SLC6A3: variants seen among roughly 807,000 people sequenced by gnomAD.
SLC6A3 encodes sodium-dependent dopamine transporter.
In SLC6A3, 19 loss-of-function variants were observed where a neutral mutation model predicts 70.4. That is an observed-to-expected ratio of 0.27 (90% CI 0.19 to 0.40). SLC6A3 has a LOEUF of 0.40. Among genes scored for constraint, SLC6A3 ranks in the 10% least tolerant of loss-of-function variants. The pLI, the probability that SLC6A3 is intolerant of heterozygous loss-of-function variation, is 1.00. For missense variants in SLC6A3, 613 were observed against 838.5 expected (o/e 0.73, Z 3.32); for synonymous variants, 368 against 356.6 (o/e 1.03, Z -0.36).
Position 1,394,662 on chromosome 5 carries a change from C to T in SLC6A3, c.*73G>A. 2 of 1,496,068 alleles carry T rather than the reference C, an allele frequency of 1.3e-6. No homozygotes were observed. Among genetic ancestry groups the T allele is most frequent in the African/African-American group, 1.4e-5 (1 of 72,490 alleles). The allele number at this position is 1,496,068 out of a possible 1,614,324, so 92.7% of individuals were successfully genotyped here. A position where few individuals can be genotyped will look rare whatever the true frequency, so the allele number is the denominator to read the frequency against. ...GAAGTTGCCCTCCTTTCTCTCGAAA[C>T]TTAGATTTCCTTGGTTTGTTCGTGT... On this transcript the variant is annotated 3_prime_UTR_variant, in exon 15 of 15. Transcript: ENST00000270349. The surrounding 1 kb of genome is among the most constrained non-coding windows in gnomAD (Gnocchi z 4.7).
chr5:1,429,796 A>T (rs1283550021), intron 4 of SLC6A3, among the ~76,000 whole-genome samples: 1 of 152,054 alleles, frequency 6.6e-6, no homozygotes, highest in African/African-American at 2.4e-5. Flanking sequence ...CTTTGATCAC[A>T]TGCTAACCCT....
chr5:1,402,624 C>G lies in SLC6A3; in HGVS notation c.1767+298G>C, dbSNP rs1360795934. Among the ~76,000 whole-genome samples the G allele has an allele frequency of 6.6e-6, 1 of 152,176 alleles. No homozygotes were observed. Among genetic ancestry groups the G allele is most frequent in the East Asian group, 1.9e-4 (1 of 5,192 alleles). ...GACAGCACATACAGACACAGAGATA[C>G]AGTGGATGTACACACAGGCACAAGC... On this transcript the variant is annotated intron_variant, in intron 13 of 14. Coordinates refer to ENST00000270349, the MANE Select transcript of SLC6A3 (RefSeq NM_001044.5). This position sits in a 1 kb window ranked among gnomAD's most constrained non-coding sequence, Gnocchi z 8.5.
chr5:1,408,335 C>T lies in SLC6A3; in HGVS notation c.1498+691G>A, dbSNP rs1756036222. ...GGGATTACAGGCGTGAGTCACCGCG[C>T]CCGGACCACACATTCATGGCGAGAT... On this transcript the variant is annotated intron_variant, in intron 11 of 14. Transcript: ENST00000270349. The surrounding 1 kb of genome is among the most constrained non-coding windows in gnomAD (Gnocchi z 6.4). 6.6e-6 allele frequency among the ~76,000 whole-genome samples: 1 copy of T among 152,070 alleles called. No individual in the cohort carries two copies. Among genetic ancestry groups the T allele is most frequent in the Admixed American group, 6.5e-5 (1 of 15,276 alleles).
chr5:1,421,324 C>T lies in SLC6A3; in HGVS notation c.792+552G>A, dbSNP rs146058091. ...TCCCACGTAGCTGGGATTATAGGCA[C>T]GTGCCACCGTGCCTGGCTAATTTCG... On this transcript the variant is annotated intron_variant, in intron 5 of 14. Transcript: ENST00000270349. This position sits in a 1 kb window ranked among gnomAD's most constrained non-coding sequence, Gnocchi z 7.2. Among the ~76,000 whole-genome samples the T allele has an allele frequency of 2.9e-3, 448 of 152,116 alleles. 3 individuals carry two copies. The highest frequency in any genetic ancestry group is 1.0e-2 in the African/African-American group (413 of 41,482).
In SLC6A3 at chr5:1,442,638, C is replaced by G. The variant is rs1733702823; in HGVS notation, c.286+274G>C. Among the ~76,000 whole-genome samples the G allele has an allele frequency of 6.6e-6, 1 of 152,104 alleles. No individual in the cohort carries two copies. Among genetic ancestry groups the G allele is most frequent in the Non-Finnish European group, 1.5e-5 (1 of 68,004 alleles). ...TCTGGAAACAGGAGGCAGAGCCAAG[C>G]TGCCCCGTCTGCCGCCCCCCACCCC... On this transcript the variant is annotated intron_variant, in intron 2 of 14. Coordinates refer to ENST00000270349, the MANE Select transcript of SLC6A3 (RefSeq NM_001044.5). The surrounding 1 kb of genome is among the most constrained non-coding windows in gnomAD (Gnocchi z 5.0).
intron 4 of SLC6A3, among the ~76,000 whole-genome samples, chr5:1,428,122 A>C (rs552865633): frequency 6.6e-6 from 1 of 152,312 alleles, no homozygotes; most frequent in Admixed American, 6.5e-5. Context: ...AATATATTTT[A>C]AAATATTAAA....
chr5:1,416,935 A>G (rs542060163), intron 6 of SLC6A3, among the ~76,000 whole-genome samples: 31 of 152,294 alleles, frequency 2.0e-4, no homozygotes, highest in South Asian at 1.4e-3. Flanking sequence ...TGGCACCCTG[A>G]TAACCCTCAG....
chr5:1,443,357 TG>T, intron 1 of SLC6A3, 115 bp from the exon 2 acceptor site: 1 of 807,358 alleles, frequency 1.2e-6, no homozygotes, highest in Non-Finnish European at 2.1e-6. Context: ...GGCATTCCTC[TG>T]GGAAGGGATG....
At chr5:1,418,672 T>C (rs1756363001) in intron 6 of SLC6A3, among the ~76,000 whole-genome samples, 1 of 150,342 alleles carries the variant, frequency 6.7e-6, no homozygotes, top group Non-Finnish European at 1.5e-5. Flanking sequence ...CATTCATCCA[T>C]CCACCCATCT....
At chr5:1,417,157 A>C (rs1475507354) in intron 6 of SLC6A3, among the ~76,000 whole-genome samples, 1 of 151,518 alleles carries the variant, frequency 6.6e-6, no homozygotes, top group Admixed American at 6.6e-5. Flanking sequence ...AACAGCACAG[A>C]CTCAACCACA....
Position 1,406,816 on chromosome 5 carries a change from G to A in SLC6A3, c.1499-528C>T, listed in dbSNP as rs3776514. On this transcript the variant is annotated intron_variant, in intron 11 of 14. Coordinates refer to ENST00000270349, the MANE Select transcript of SLC6A3 (RefSeq NM_001044.5). This position sits in a 1 kb window ranked among gnomAD's most constrained non-coding sequence, Gnocchi z 8.8. ...CAACTCCTCCCGACCCCCAACCCCCGCCAGGCCCCAGCACCATCTGCTTTT... is the reference window on the plus strand; with the variant it reads ...CAACTCCTCCCGACCCCCAACCCCCACCAGGCCCCAGCACCATCTGCTTTT... Among the ~76,000 whole-genome samples, 1,556 of 151,766 alleles carry A rather than the reference G, an allele frequency of 0.01. 87 individuals carry two copies. The highest frequency in any genetic ancestry group is 0.077 in the Admixed American group (1,180 of 15,238).
rs746361817 is a variant in SLC6A3 at position 1,416,107 on chromosome 5, T to C, written c.1022A>G (p.Asn341Ser). The stretch of plus-strand genomic sequence containing the variant: ...CCTGCTAGGGGCTCACCTGTAGCAG[T>C]TGTTGGTGAACTTGTTGTAGCTGGA... ...AFSSYNKFTN[N>S]CYRDAIVTTS... The change falls in exon 7 of 15, where the codon AAC (asparagine) becomes AGC (serine). Residue 341 changes from asparagine to serine, a missense_variant. Asn to Ser is a conservative substitution (Grantham distance 46). Coordinates refer to ENST00000270349, the MANE Select transcript of SLC6A3 (RefSeq NM_001044.5). The C allele has an allele frequency of 1.2e-6, 2 of 1,613,468 alleles. No homozygotes were observed. The highest frequency in any genetic ancestry group is 1.7e-6 in the Non-Finnish European group (2 of 1,179,446).
chr5:1,409,909 C>T (rs2126340401), intron 9 of SLC6A3, 60 bp from the exon 10 acceptor site: 5 of 1,606,158 alleles, frequency 3.1e-6, no homozygotes, highest in Non-Finnish European at 3.4e-6. Flanking sequence ...GCAGCCTGGG[C>T]CAAGACCTAC....
rs1755978649 is a variant in SLC6A3, at chr5:1,406,345, G to A, written c.1499-57C>T. The A allele has an allele frequency of 9.9e-6, 14 of 1,417,406 alleles. No individual in the cohort carries two copies. In the South Asian group the frequency reaches 1.1e-4, roughly 12 times the overall value. 87.8% of individuals were successfully genotyped at this position (1,417,406 alleles called of 1,614,324 possible). On this transcript the variant is annotated intron_variant, in intron 11 of 14. Transcript: ENST00000270349. This position sits in a 1 kb window ranked among gnomAD's most constrained non-coding sequence, Gnocchi z 8.8. ...CAGGGCAGCGCATTCCCCCGATGCTGGACACGTGTGGGGGTCCTCGCTGAC... is the reference window on the plus strand; with the variant it reads ...CAGGGCAGCGCATTCCCCCGATGCTAGACACGTGTGGGGGTCCTCGCTGAC...
chr5:1,403,310 C>CTCCCT (rs1255716290), intron 12 of SLC6A3, among the ~76,000 whole-genome samples: 3 of 143,192 alleles, frequency 2.1e-5, no homozygotes, highest in Admixed American at 2.1e-4. Flanking sequence ...GTTCTCTCCC[C>CTCCCT]TCCCCTCCCC....
intron 6 of SLC6A3, among the ~76,000 whole-genome samples, chr5:1,419,713 G>A (rs1043134221): frequency 2.6e-5 from 4 of 151,992 alleles, no homozygotes; most frequent in Non-Finnish European, 5.9e-5. Context: ...CTTGGCTCCC[G>A]TGGGCCACAC....
At position 1,414,421 on chromosome 5, in the gene SLC6A3, C is replaced by A. The variant is rs796844973; in HGVS notation, c.1156+270G>T. Among the ~76,000 whole-genome samples, 267 of 72,946 alleles carry A rather than the reference C, an allele frequency of 3.7e-3. 1 individual carries two copies. Among genetic ancestry groups the A allele is most frequent in the African/African-American group, 8.3e-3 (206 of 24,772 alleles). 47.9% of individuals were successfully genotyped at this position (72,946 alleles called of 152,430 possible). A position where few individuals can be genotyped will look rare whatever the true frequency, so the allele number is the denominator to read the frequency against. On this transcript the variant is annotated intron_variant, in intron 8 of 14. Coordinates refer to ENST00000270349, the MANE Select transcript of SLC6A3 (RefSeq NM_001044.5). ...GGTGGGGGGGCCTGGAGGGGCAGGG[C>A]GGAGAAGGCACTGGGTGGGGGGCCG...
chr5:1,411,460 G>T lies in SLC6A3; in HGVS notation c.1157-105C>A. 7 of 834,206 alleles carry T rather than the reference G, an allele frequency of 8.4e-6. No individual in the cohort carries two copies. In the South Asian group the frequency reaches 1.0e-4, roughly 12 times the overall value. The allele number at this position is 834,206 out of a possible 1,614,324, so 51.7% of individuals were successfully genotyped here. ...GCATGGCCTGCCACAGGCCTGTAGA[G>T]ACTAGGGCTGGTGCGGCTCTGCTGA... On this transcript the variant is annotated intron_variant, in intron 8 of 14. Coordinates refer to ENST00000270349, the MANE Select transcript of SLC6A3 (RefSeq NM_001044.5). The surrounding 1 kb of genome is among the most constrained non-coding windows in gnomAD (Gnocchi z 6.5).
chr5:1,414,129 C>T (rs1482460201), intron 8 of SLC6A3, among the ~76,000 whole-genome samples: 1 of 152,148 alleles, frequency 6.6e-6, no homozygotes, highest in Non-Finnish European at 1.5e-5. Flanking sequence ...ATGTTTGCGG[C>T]ATCCCAGCCT....
Sources: gnomAD v4.1 joint callset for allele counts (sites outside exome capture counted in the v4.1 genomes callset) on GRCh38, gnomAD v4.1.1 for gene constraint, Gnocchi (gnomAD v3.1) non-coding constraint, MANE v1.5 for transcripts, NCBI Gene and HGNC (gene_info 2026-07-23, HGNC 2026-07-21) for gene names.